CDH4: variants seen among roughly 807,000 people sequenced by gnomAD.
CDH4 encodes cadherin 4, also known as cadherin-4.
A neutral mutation model predicts 86.0 loss-of-function variants in CDH4; 33 were observed. The observed-to-expected ratio is 0.38, with a 90% confidence interval of 0.29 to 0.51. The LOEUF (loss-of-function observed/expected upper bound fraction) is 0.51, where lower values mean the gene tolerates loss of function less well. Among genes scored for constraint, CDH4 ranks in the 20% least tolerant of loss-of-function variants. The pLI is 0.86. For synonymous variants in CDH4, 555 were observed against 549.4 expected (o/e 1.01, Z -0.14); for missense variants, 1,114 against 1,307.4 (o/e 0.85, Z 2.28).
chr20:61,737,827 A>G (rs1568787416), intron 2 of CDH4, among the ~76,000 whole-genome samples: 3 of 152,082 alleles, frequency 2.0e-5, no homozygotes, highest in Non-Finnish European at 4.4e-5. Flanking sequence ...CTCCCATTTC[A>G]CAGAAACAAA....
intron 4 of CDH4, among the ~76,000 whole-genome samples, chr20:61,793,949 T>C (rs1156524237): frequency 1.4e-5 from 2 of 145,552 alleles, no homozygotes; most frequent in East Asian, 4.1e-4. Flanking sequence ...GCATCCTGAC[T>C]AACACGGTGA....
intron 3 of CDH4, among the ~76,000 whole-genome samples, chr20:61,744,997 C>T (rs1364325884): frequency 2.0e-5 from 3 of 152,202 alleles, no homozygotes; most frequent in Non-Finnish European, 4.4e-5. Flanking sequence ...GTTGCAGCTG[C>T]CTGCCTGAGG....
rs371517775 is a variant in CDH4 at position 61,671,595 on chromosome 20, G to A, written c.170-71968G>A. ...GTTTGTGGATGGATGATGAACGGGTGGATGGATGGATGGGTAGATGGATGG... is the reference window on the plus strand; with the variant it reads ...GTTTGTGGATGGATGATGAACGGGTAGATGGATGGATGGGTAGATGGATGG... On this transcript the variant is annotated intron_variant, in intron 2 of 15. Transcript: ENST00000614565. 7.2e-4 allele frequency among the ~76,000 whole-genome samples: 109 copies of A among 152,088 alleles called. 3 individuals are homozygous for A. The South Asian group carries it at 0.022, about 30-fold the overall frequency.
intron 5 of CDH4, 89 bp from the exon 6 acceptor site, chr20:61,852,665 T>C (rs1237258250): frequency 2.9e-6 from 4 of 1,396,888 alleles, no homozygotes; most frequent in African/African-American, 1.5e-5. Flanking sequence ...GCCATCAGTC[T>C]CCTACCCCAG....
chr20:61,620,855 GA>G (rs1311142875), intron 2 of CDH4, among the ~76,000 whole-genome samples: 1 of 152,188 alleles, frequency 6.6e-6, no homozygotes, highest in African/African-American at 2.4e-5. Context: ...TATCAAACAG[GA>G]ATGTCAAGCC....
intron 2 of CDH4, among the ~76,000 whole-genome samples, chr20:61,616,409 G>C (rs1400096732): frequency 6.6e-6 from 1 of 152,184 alleles, no homozygotes; most frequent in African/African-American, 2.4e-5. Context: ...ATTGCCCACA[G>C]AGGAGGACAG....
chr20:61,286,222 C>T (rs1406241137), intron 2 of CDH4, among the ~76,000 whole-genome samples: 5 of 152,350 alleles, frequency 3.3e-5, no homozygotes, highest in East Asian at 3.9e-4. Context: ...GCTTTCTTCC[C>T]GGCTTGATTA....
rs565048933 is a variant in CDH4 at position 61,934,566 on chromosome 20, G to C, written c.2544+346G>C. Among the ~76,000 whole-genome samples, 153 of 152,348 alleles carry C rather than the reference G, an allele frequency of 1.0e-3. 1 individual carries two copies. The highest frequency in any genetic ancestry group is 2.0e-3 in the Non-Finnish European group (138 of 68,024). ...TCAGGAGGAGAATCAGCGGGGCGAC[G>C]GCGGGGAAGGCGCACTTGGTGCTAT... On this transcript the variant is annotated intron_variant, in intron 15 of 15. Transcript: ENST00000614565.
chr20:61,468,374 CTCTT>C (rs1568855957), intron 2 of CDH4, among the ~76,000 whole-genome samples: 1 of 152,182 alleles, frequency 6.6e-6, no homozygotes, highest in Non-Finnish European at 1.5e-5. Flanking sequence ...CTTTCTCTTT[CTCTT>C]TCTTTCTTTG....
chr20:61,384,941 G>A (rs2084943045), intron 2 of CDH4, among the ~76,000 whole-genome samples: 1 of 152,186 alleles, frequency 6.6e-6, no homozygotes, highest in Non-Finnish European at 1.5e-5. Context: ...AGCTCATAGT[G>A]TAATCATATC....
intron 2 of CDH4, among the ~76,000 whole-genome samples, chr20:61,498,722 A>T (rs533589149): frequency 6.6e-6 from 1 of 152,344 alleles, no homozygotes; most frequent in East Asian, 1.9e-4. Context: ...CTTGGGTCAC[A>T]CATAAAATAC....
intron 2 of CDH4, among the ~76,000 whole-genome samples, chr20:61,415,511 C>A (rs2085141625): frequency 6.6e-6 from 1 of 152,118 alleles, no homozygotes; most frequent in South Asian, 2.1e-4. Context: ...AACTCCATCC[C>A]CATTAAACAC....
At chr20:61,928,559 G>T in intron 12 of CDH4, 136 bp downstream of exon 12, 1 of 722,536 alleles carries the variant, frequency 1.4e-6, no homozygotes, top group Non-Finnish European at 2.3e-6. Context: ...CCAAGGCTGG[G>T]GACACTGGCC....
chr20:61,484,376 A>T (rs1183281535), intron 2 of CDH4, among the ~76,000 whole-genome samples: 4 of 151,952 alleles, frequency 2.6e-5, no homozygotes, highest in Admixed American at 1.3e-4. Context: ...AGACAACTTT[A>T]TTGGGCATTT....
chr20:61,560,390 G>A (rs953651535), intron 2 of CDH4, among the ~76,000 whole-genome samples: 7 of 152,190 alleles, frequency 4.6e-5, no homozygotes, highest in East Asian at 3.9e-4. Flanking sequence ...CATGTGACTC[G>A]CAACCATTGT....
chr20:61,627,700 C>A (rs1535142), intron 2 of CDH4, among the ~76,000 whole-genome samples: 91,823 of 151,442 alleles, frequency 0.61, 28,014 homozygotes, highest in East Asian at 0.71. Context: ...GCCTCCCGCC[C>A]CCCGACTCGA....
Position 61,731,847 on chromosome 20 carries a change from G to T in CDH4, c.170-11716G>T, listed in dbSNP as rs112458226. Among the ~76,000 whole-genome samples the T allele has an allele frequency of 5.6e-3, 859 of 152,290 alleles. 8 individuals are homozygous for T. The highest frequency in any genetic ancestry group is 0.019 in the African/African-American group (808 of 41,568). On this transcript the variant is annotated intron_variant, in intron 2 of 15. Coordinates refer to ENST00000614565, the MANE Select transcript of CDH4 (RefSeq NM_001794.5). ...CTGTCACCCCCACGAGGACTCGGGG[G>T]CTGCACAGCCTGGCGGGGATGCCTC...
chr20:61,767,822 C>T (rs1004126488), intron 3 of CDH4, among the ~76,000 whole-genome samples: 10 of 152,320 alleles, frequency 6.6e-5, no homozygotes, highest in African/African-American at 2.4e-4. Flanking sequence ...CAGAAACACT[C>T]ATGGGAGATA....
chr20:61,297,419 TC>T, intron 2 of CDH4, among the ~76,000 whole-genome samples: 1 of 152,082 alleles, frequency 6.6e-6, no homozygotes. Flanking sequence ...TGTGGAAAAG[TC>T]CTGGCCTTAG....
Sources: allele counts gnomAD v4.1 joint callset (sites outside exome capture counted in the v4.1 genomes callset), GRCh38; gene constraint gnomAD v4.1.1; transcripts MANE v1.5; gene names NCBI Gene and HGNC (gene_info 2026-07-23, HGNC 2026-07-21).